TP53BP1: variants seen among roughly 807,000 people sequenced by gnomAD.
TP53BP1 encodes the protein tumor protein p53 binding protein 1.
In TP53BP1, 61 loss-of-function variants were observed where a neutral mutation model predicts 200.8. The ratio of observed to expected loss-of-function variants is 0.30; its 90% CI spans 0.25 to 0.38. The LOEUF (loss-of-function observed/expected upper bound fraction) is 0.38. Among genes scored for constraint, TP53BP1 ranks in the 10% least tolerant of loss-of-function variants. The probability of loss-of-function intolerance (pLI) is 1.00; values close to 1 mark genes in which losing one functional copy is unlikely to be tolerated. For synonymous variants in TP53BP1, 822 were observed against 844.3 expected (o/e 0.97, Z 0.46); for missense variants, 2,144 against 2,371.9 (o/e 0.90, Z 2.00).
chr15:43,451,504 G>T (rs2046169773), intron 12 of TP53BP1, among the ~76,000 whole-genome samples: 1 of 152,130 alleles, frequency 6.6e-6, no homozygotes, highest in African/African-American at 2.4e-5. Context: ...TCCCTACAAA[G>T]GACACGAACT....
chr15:43,420,013 A>G (rs930485303), intron 21 of TP53BP1, among the ~76,000 whole-genome samples: 1 of 152,244 alleles, frequency 6.6e-6, no homozygotes, highest in Non-Finnish European at 1.5e-5. Flanking sequence ...ACCAGATGTC[A>G]ACAATAGGGA....
chr15:43,434,622 C>T (rs1265449590), intron 16 of TP53BP1, among the ~76,000 whole-genome samples: 1 of 152,200 alleles, frequency 6.6e-6, no homozygotes, highest in Non-Finnish European at 1.5e-5. Context: ...TCTCTTGCCC[C>T]CAACTGCCAT....
At chr15:43,474,558 G>C (rs1337589177) in intron 10 of TP53BP1, 115 bp downstream of exon 10, 3 of 600,454 alleles carry the variant, frequency 5.0e-6, no homozygotes, top group Middle Eastern at 2.7e-4. Flanking sequence ...GAGTCCTACC[G>C]AATTGTGTAG....
intron 11 of TP53BP1, among the ~76,000 whole-genome samples, chr15:43,467,592 CT>C: frequency 6.6e-6 from 1 of 152,036 alleles, no homozygotes; most frequent in Non-Finnish European, 1.5e-5. Context: ...TCAACAGTGC[CT>C]TGTTTTTCAA....
chr15:43,497,170 G>A (rs766753492), upstream of TP53BP1, among the ~76,000 whole-genome samples: 23 of 152,220 alleles, frequency 1.5e-4, no homozygotes, highest in Non-Finnish European at 1.0e-4. Context: ...AAGGCAGGCT[G>A]ATTGCTTGAG....
intron 1 of TP53BP1, among the ~76,000 whole-genome samples, chr15:43,507,576 T>G (rs2079244234): frequency 6.6e-6 from 1 of 152,230 alleles, no homozygotes; most frequent in African/African-American, 2.4e-5. Flanking sequence ...AAATTCAATA[T>G]AGATTTTTAA....
intron 11 of TP53BP1, among the ~76,000 whole-genome samples, chr15:43,469,569 T>G (rs1337080590): frequency 3.3e-5 from 5 of 152,120 alleles, no homozygotes; most frequent in Non-Finnish European, 7.4e-5. Context: ...AACAGTTGTG[T>G]TAAAGTAGAA....
At chr15:43,425,632 T>A (rs551848164) in intron 18 of TP53BP1, among the ~76,000 whole-genome samples, 1 of 150,402 alleles carries the variant, frequency 6.6e-6, no homozygotes, top group Non-Finnish European at 1.5e-5. Context: ...AACATAAAAA[T>A]AAAAAATATA....
At position 43,477,615 on chromosome 15, in the gene TP53BP1, C is replaced by A. The variant is rs2078903162; in HGVS notation, c.933G>T (p.Leu311Phe). 6.2e-7 allele frequency: 1 copy of A among 1,612,654 alleles called. No individual in the cohort carries two copies. Among genetic ancestry groups the A allele is most frequent in the African/African-American group, 1.3e-5 (1 of 74,880 alleles). The change falls in exon 8 of 28, where the codon TTG (leucine) becomes TTT (phenylalanine). Residue 311 changes from leucine (L) to phenylalanine (F), a missense_variant. This residue lies in a region of TP53BP1 where 1,700 missense variants were observed against 1,710.3 expected (regional missense o/e 0.99). Transcript: ENST00000382044. The stretch of plus-strand genomic sequence containing the variant: ...TACCTGTTTTATTGCTCTGGTCAAA[C>A]AAGTCTTCCTGAGTTGACAAAACCT... Reference protein sequence around the residue: ...EPEVLSTQEDLFDQSNKTVSS... With the variant: ...EPEVLSTQEDFFDQSNKTVSS...
chr15:43,477,641 C>G lies in TP53BP1; in HGVS notation c.907G>C (p.Glu303Gln). 1 of 1,613,788 alleles carries G rather than the reference C, an allele frequency of 6.2e-7. No homozygotes were observed. The highest frequency in any genetic ancestry group is 1.3e-5 in the African/African-American group (1 of 75,048). ...GLQIQKSPEP[E>Q]VLSTQEDLFD... ...AAGTCTTCCTGAGTTGACAAAACCTCAGGCTCTGGTGACTTCTGAATCTGC... is the reference window on the plus strand; with the variant it reads ...AAGTCTTCCTGAGTTGACAAAACCTGAGGCTCTGGTGACTTCTGAATCTGC... The change falls in exon 8 of 28, where the codon GAG (glutamate) becomes CAG (glutamine). Residue 303 changes from glutamate to glutamine, a missense_variant. Physicochemically the swap from Glu to Gln is conservative, Grantham distance 29 (BLOSUM62 2). Around this residue, in one of 4 missense-constraint regions of TP53BP1, gnomAD observed 1,700 missense variants for 1,710.3 expected, o/e 0.99. Coordinates refer to ENST00000382044, the MANE Select transcript of TP53BP1 (RefSeq NM_001141980.3).
At chr15:43,446,929 T>C (rs1024230481) in intron 13 of TP53BP1, 7 of 637,738 alleles carry the variant, frequency 1.1e-5, no homozygotes, top group African/African-American at 5.5e-5. Flanking sequence ...AGAAAACAAA[T>C]AGGTTAATGT....
chr15:43,480,115 A>T, intron 5 of TP53BP1, 98 bp from the exon 6 acceptor site: 2 of 1,144,410 alleles, frequency 1.7e-6, no homozygotes, highest in Non-Finnish European at 2.5e-6. Context: ...TAAGTCCTTC[A>T]CATCAAAGCC....
At chr15:43,496,726 T>C (rs2079184333), upstream of TP53BP1, among the ~76,000 whole-genome samples, 1 of 151,516 alleles carries the variant, frequency 6.6e-6, no homozygotes, top group Non-Finnish European at 1.5e-5. Context: ...TGGGTTCAAC[T>C]GATTCTCCTG....
At chr15:43,425,270 C>T (rs2045500753) in intron 18 of TP53BP1, among the ~76,000 whole-genome samples, 1 of 152,184 alleles carries the variant, frequency 6.6e-6, no homozygotes, top group Admixed American at 6.5e-5. Flanking sequence ...TTCCCTCCAT[C>T]AAACTGTCTA....
At chr15:43,465,814 G>C (rs924158081) in intron 11 of TP53BP1, among the ~76,000 whole-genome samples, 2 of 151,958 alleles carry the variant, frequency 1.3e-5, no homozygotes, top group African/African-American at 4.8e-5. Context: ...TGTTGTTGTT[G>C]TTGTTGTTTT....
chr15:43,497,684 G>C (rs1242091321), upstream of TP53BP1: 1 of 153,698 alleles, frequency 6.5e-6, no homozygotes, highest in African/African-American at 2.4e-5. Flanking sequence ...GGCAAATTCA[G>C]AAAGAGAGAA....
At chr15:43,436,638 CTTTT>C (rs757274443) in intron 16 of TP53BP1, among the ~76,000 whole-genome samples, 1 of 144,150 alleles carries the variant, frequency 6.9e-6, no homozygotes, top group African/African-American at 2.5e-5. Context: ...CCACATCCGG[CTTTT>C]TTTTTTTTCT....
chr15:43,413,440 AC>A, intron 23 of TP53BP1, 106 bp from the exon 24 acceptor site: 1 of 880,266 alleles, frequency 1.1e-6, no homozygotes, highest in Non-Finnish European at 1.7e-6. Flanking sequence ...ATGGGCAGGC[AC>A]TGTCCTGATG....
chr15:43,415,319 C>T, intron 23 of TP53BP1: 2 of 489,394 alleles, frequency 4.1e-6, no homozygotes, highest in Non-Finnish European at 7.5e-6. Context: ...AGCGATTCTC[C>T]CACCTCAGCC....
Sources: allele counts gnomAD v4.1 joint callset (sites outside exome capture counted in the v4.1 genomes callset), GRCh38; gene constraint gnomAD v4.1.1; regional missense constraint gnomAD v4.1.1; transcripts MANE v1.5; gene names NCBI Gene and HGNC (gene_info 2026-07-23, HGNC 2026-07-21).